The following CNTNAP2 variants were observed in gnomAD, a reference collection of about 807,000 sequenced individuals.
The protein encoded by CNTNAP2 is contactin associated protein 2, also known as contactin-associated protein-like 2.
A neutral mutation model predicts 155.2 loss-of-function variants in CNTNAP2; 98 were observed. The observed-to-expected ratio is 0.63, with a 90% CI of 0.54 to 0.75. The LOEUF (loss-of-function observed/expected upper bound fraction) is 0.75. Ranked by LOEUF, CNTNAP2 falls within the 30% of genes least tolerant of loss-of-function variation. The pLI is 0.00. For missense variants in CNTNAP2, 1,727 were observed against 1,688.1 expected, an observed-to-expected ratio of 1.02 and a Z score of -0.40; for synonymous variants, 651 against 631.2, an observed-to-expected ratio of 1.03 and a Z score of -0.47.
rs1584785324 is a variant in CNTNAP2, at chr7:147,195,249, C to A, written c.1348+62740C>A. ...TGATTGTACATGTGTGGTGTGATTT[C>A]TAAGGTCTCTATTCTGCTCCATTAG... On this transcript the variant is annotated intron_variant, in intron 8 of 23. Coordinates refer to ENST00000361727, the MANE Select transcript of CNTNAP2 (RefSeq NM_014141.6). Among the ~76,000 whole-genome samples the A allele has an allele frequency of 2.0e-5, 3 of 152,170 alleles. No homozygotes were observed. The East Asian group carries it at 5.8e-4, about 29-fold the overall frequency.
chr7:147,875,389 A>G (rs1226778767), intron 13 of CNTNAP2, among the ~76,000 whole-genome samples: 2 of 152,156 alleles, frequency 1.3e-5, no homozygotes, highest in African/African-American at 2.4e-5. Flanking sequence ...AAATCAACAG[A>G]TCGTGTGAGA....
chr7:146,119,840 G>A (rs976821876), intron 1 of CNTNAP2, among the ~76,000 whole-genome samples: 2 of 151,692 alleles, frequency 1.3e-5, no homozygotes, highest in East Asian at 3.9e-4. Context: ...TAACAAATAC[G>A]ATTTTATACG....
intron 8 of CNTNAP2, among the ~76,000 whole-genome samples, chr7:147,172,039 C>T (rs1248558462): frequency 6.6e-6 from 1 of 152,102 alleles, no homozygotes; most frequent in African/African-American, 2.4e-5. Flanking sequence ...GATGTTTCTG[C>T]CCTCTCTGGA....
chr7:146,967,717 A>G (rs563220479), intron 3 of CNTNAP2, among the ~76,000 whole-genome samples: 4 of 152,296 alleles, frequency 2.6e-5, no homozygotes, highest in African/African-American at 9.6e-5. Flanking sequence ...AGGCTGAGAC[A>G]ATGGGGTTTT....
chr7:148,214,529 G>A (rs1231931900), intron 18 of CNTNAP2, among the ~76,000 whole-genome samples: 1 of 152,144 alleles, frequency 6.6e-6, no homozygotes, highest in Admixed American at 6.6e-5. Context: ...TTCCAAGAAG[G>A]ATAGTTTTGG....
chr7:147,215,786 G>A (rs756767203), intron 8 of CNTNAP2, among the ~76,000 whole-genome samples: 6 of 152,044 alleles, frequency 3.9e-5, no homozygotes, highest in South Asian at 2.1e-4. Flanking sequence ...CAAAGTGGCC[G>A]GACCATTTTG....
intron 3 of CNTNAP2, among the ~76,000 whole-genome samples, chr7:146,936,618 A>G (rs1289880319): frequency 6.6e-6 from 1 of 152,238 alleles, no homozygotes; most frequent in Non-Finnish European, 1.5e-5. Context: ...TGGATGAACC[A>G]TAACCTAACT....
chr7:146,597,847 A>G (rs1048207822), intron 1 of CNTNAP2, among the ~76,000 whole-genome samples: 1 of 152,120 alleles, frequency 6.6e-6, no homozygotes, highest in African/African-American at 2.4e-5. Flanking sequence ...ATAGCATCTC[A>G]CAAAATTGCT....
At chr7:146,806,568 T>C (rs1347288197) in intron 2 of CNTNAP2, among the ~76,000 whole-genome samples, 2 of 152,002 alleles carry the variant, frequency 1.3e-5, no homozygotes, top group African/African-American at 4.8e-5. Context: ...AACCTCAGGA[T>C]TTACTCTCTG....
At chr7:147,789,814 G>C (rs945488533) in intron 13 of CNTNAP2, among the ~76,000 whole-genome samples, 3 of 152,112 alleles carry the variant, frequency 2.0e-5, no homozygotes, top group African/African-American at 7.2e-5. Context: ...CAGATTCCAA[G>C]TTCTTCAGCT....
chr7:147,257,253 G>C (rs781459155), intron 8 of CNTNAP2, among the ~76,000 whole-genome samples: 30 of 152,282 alleles, frequency 2.0e-4, no homozygotes, highest in Non-Finnish European at 3.5e-4. Context: ...GAAACATTGA[G>C]GTTTAGAAGG....
intron 15 of CNTNAP2, among the ~76,000 whole-genome samples, chr7:148,087,676 A>C (rs894297601): frequency 6.6e-6 from 1 of 152,158 alleles, no homozygotes; most frequent in African/African-American, 2.4e-5. Context: ...TCCCAGACTC[A>C]TTCCAATTTG....
chr7:146,155,494 T>C (rs892363772), intron 1 of CNTNAP2, among the ~76,000 whole-genome samples: 8 of 152,040 alleles, frequency 5.3e-5, no homozygotes, highest in African/African-American at 1.9e-4. Flanking sequence ...ACTTGTTCAA[T>C]TGATAAAAAC....
At chr7:147,440,169 T>G (rs1437374395) in intron 10 of CNTNAP2, among the ~76,000 whole-genome samples, 1 of 152,068 alleles carries the variant, frequency 6.6e-6, no homozygotes, top group Non-Finnish European at 1.5e-5. Context: ...TTCCTTTTAG[T>G]GAGGGTGATT....
intron 21 of CNTNAP2, among the ~76,000 whole-genome samples, chr7:148,308,704 T>C (rs1180484659): frequency 6.6e-6 from 1 of 152,036 alleles, no homozygotes; most frequent in Non-Finnish European, 1.5e-5. Context: ...TAGGTATTTC[T>C]CCTAATGCTA....
At position 146,889,785 on chromosome 7, in the gene CNTNAP2, C is replaced by G. The variant is rs186222133; in HGVS notation, c.402+49881C>G. Among the ~76,000 whole-genome samples, 15 of 152,254 alleles carry G rather than the reference C, an allele frequency of 9.9e-5. No homozygotes were observed. The East Asian group carries it at 2.9e-3, about 29-fold the overall frequency. On this transcript the variant is annotated intron_variant, in intron 3 of 23. Coordinates refer to ENST00000361727, the MANE Select transcript of CNTNAP2 (RefSeq NM_014141.6). ...TCCTATTATATTATCATATAAATTA[C>G]CAGGCATGTCTGTCTTGATCATACT...
chr7:147,415,851 C>T (rs988861140), intron 10 of CNTNAP2, among the ~76,000 whole-genome samples: 18 of 152,226 alleles, frequency 1.2e-4, no homozygotes, highest in African/African-American at 3.9e-4. Context: ...GATTCTACAC[C>T]GGACAGGCCA....
intron 1 of CNTNAP2, among the ~76,000 whole-genome samples, chr7:146,485,842 G>A (rs918307731): frequency 2.0e-5 from 3 of 151,670 alleles, no homozygotes; most frequent in Non-Finnish European, 4.4e-5. Context: ...ACCTGCACAC[G>A]TACCCCAAAC....
intron 1 of CNTNAP2, among the ~76,000 whole-genome samples, chr7:146,127,335 G>C (rs898630074): frequency 4.6e-5 from 7 of 152,112 alleles, no homozygotes; most frequent in Admixed American, 1.3e-4. Flanking sequence ...ATACTAAGAC[G>C]CAGCAGGCAA....
Sources: allele counts gnomAD v4.1 joint callset (sites outside exome capture counted in the v4.1 genomes callset), GRCh38; gene constraint gnomAD v4.1.1; transcripts MANE v1.5; gene names NCBI Gene and HGNC (gene_info 2026-07-23, HGNC 2026-07-21).